The following MMP14 variants were observed in gnomAD, a reference collection of about 807,000 sequenced individuals.
MMP14 encodes matrix metalloproteinase-14.
MMP14 carries 13 observed loss-of-function variants against 64.8 expected under a neutral mutation model. The observed-to-expected ratio is 0.20, with a 90% confidence interval of 0.13 to 0.32. MMP14 has a LOEUF of 0.32. MMP14 is among the 10% of genes least tolerant of loss of function. MMP14 has a pLI of 1.00. For synonymous variants in MMP14, 322 were observed against 315.9 expected, an observed-to-expected ratio of 1.02 and a Z score of -0.20; for missense variants, 594 against 783.8, an observed-to-expected ratio of 0.76 and a Z score of 2.89.
chr14:22,843,483 T>C lies in MMP14; in HGVS notation c.850+65T>C. On this transcript the variant is annotated intron_variant, in intron 5 of 9. Coordinates refer to ENST00000311852, the MANE Select transcript of MMP14 (RefSeq NM_004995.4). This position sits in a 1 kb window ranked among gnomAD's most constrained non-coding sequence, Gnocchi z 4.8. Reference sequence around the variant, plus strand: ...CTTGTTCCCTCCTGGTCTACGCATTTCCCCTCTTTTATGCCTTGCAGTCTC... The same window carrying C: ...CTTGTTCCCTCCTGGTCTACGCATTCCCCCTCTTTTATGCCTTGCAGTCTC... 2.6e-6 allele frequency: 4 copies of C among 1,559,900 alleles called. No homozygotes were observed. The Admixed American group carries it at 7.0e-5, about 27-fold the overall frequency.
chr14:22,842,321 A>G lies in MMP14; in HGVS notation c.381-89A>G, dbSNP rs1239665279. On this transcript the variant is annotated intron_variant, in intron 3 of 9. Transcript: ENST00000311852. The surrounding 1 kb of genome is among the most constrained non-coding windows in gnomAD (Gnocchi z 5.3). Reference sequence around the variant, plus strand: ...TCAGGCAGAGGTGGCTGGGCCGCGCAGTCAGACCTGGGAGAGTGCAGGGAA... The same window carrying G: ...TCAGGCAGAGGTGGCTGGGCCGCGCGGTCAGACCTGGGAGAGTGCAGGGAA... 8 of 1,443,154 alleles carry G rather than the reference A, an allele frequency of 5.5e-6. No homozygotes were observed. The highest frequency in any genetic ancestry group is 1.3e-5 in the South Asian group (1 of 75,824). 89.4% of individuals were successfully genotyped at this position (1,443,154 alleles called of 1,614,324 possible). A position where few individuals can be genotyped will look rare whatever the true frequency, so the allele number is the denominator to read the frequency against.
At chr14:22,841,423 T>C in intron 1 of MMP14, 68 bp from the exon 2 acceptor site, 1 of 1,582,724 alleles carries the variant, frequency 6.3e-7, no homozygotes, top group South Asian at 1.1e-5. Flanking sequence ...TGCTGGGCAT[T>C]GTCGGGGAGG....
At position 22,843,726 on chromosome 14, in the gene MMP14, CCCCACCAAGATG is replaced by C; in HGVS notation, c.871_882del (p.Thr291_Pro294del). On this transcript the variant is annotated inframe_deletion, in exon 6 of 10. Coordinates refer to ENST00000311852, the MANE Select transcript of MMP14 (RefSeq NM_004995.4). This position sits in a 1 kb window ranked among gnomAD's most constrained non-coding sequence, Gnocchi z 4.8. ...CTGCCCCAGGGGGTGAGTCAGGGTTCCCCACCAAGATGCCCCCTCAACCCAGGACTACCTCCC... is the reference window on the plus strand; with the variant it reads ...CTGCCCCAGGGGGTGAGTCAGGGTTCCCCCCTCAACCCAGGACTACCTCCC... The C allele has an allele frequency of 6.3e-7, 1 of 1,590,826 alleles. No individual in the cohort carries two copies. Among genetic ancestry groups the C allele is most frequent in the Non-Finnish European group, 8.5e-7 (1 of 1,173,870 alleles).
Position 22,843,530 on chromosome 14 carries a change from GC to G in MMP14, c.850+116del. The G allele has an allele frequency of 7.0e-7, 1 of 1,424,540 alleles. No homozygotes were observed. Among genetic ancestry groups the G allele is most frequent in the Non-Finnish European group, 9.5e-7 (1 of 1,048,046 alleles). 88.2% of individuals were successfully genotyped at this position (1,424,540 alleles called of 1,614,324 possible). ...TCTCCGCACCGCCCCCTGCCAACCT[GC>G]CCCTGCCTCTATCAGCTCCACTTTT... On this transcript the variant is annotated intron_variant, in intron 5 of 9. Coordinates refer to ENST00000311852, the MANE Select transcript of MMP14 (RefSeq NM_004995.4). The surrounding 1 kb of genome is among the most constrained non-coding windows in gnomAD (Gnocchi z 4.8).
At position 22,846,059 on chromosome 14, in the gene MMP14, C is replaced by A; in HGVS notation, c.*20C>A. On this transcript the variant is annotated 3_prime_UTR_variant, in exon 10 of 10. Transcript: ENST00000311852. ...GTCTGACGCCCACCGCCGGCCCGCC[C>A]ACTCCTACCACAAGGACTTTGCCTC... is the stretch of plus-strand genomic sequence containing the variant. 1 of 1,454,598 alleles carries A rather than the reference C, an allele frequency of 6.9e-7. No homozygotes were observed. The allele number at this position is 1,454,598 out of a possible 1,614,324, so 90.1% of individuals were successfully genotyped here. A position where few individuals can be genotyped will look rare whatever the true frequency, so the allele number is the denominator to read the frequency against.
At chr14:22,836,998 G>A (rs2138732977) in intron 1 of MMP14, 73 bp downstream of exon 1, 1 of 1,192,856 alleles carries the variant, frequency 8.4e-7, no homozygotes, top group East Asian at 2.5e-5. Context: ...CTAGGGGACA[G>A]CCTCTATTCG....
At position 22,836,826 on chromosome 14, in the gene MMP14, C is replaced by A; in HGVS notation, c.9C>A (p.Pro3=). 1 of 1,602,372 alleles carries A rather than the reference C, an allele frequency of 6.2e-7. No individual in the cohort carries two copies. Among genetic ancestry groups the A allele is most frequent in the Non-Finnish European group, 8.5e-7 (1 of 1,172,524 alleles). The change falls in exon 1 of 10, where the codon CCC becomes CCA. Residue 3 remains proline, a synonymous_variant. Coordinates refer to ENST00000311852, the MANE Select transcript of MMP14 (RefSeq NM_004995.4). Reference sequence around the variant, plus strand: ...CCCGGTGGTCTCGGACCATGTCTCCCGCCCCAAGACCCCCCCGTTGTCTCC... The same window carrying A: ...CCCGGTGGTCTCGGACCATGTCTCCAGCCCCAAGACCCCCCCGTTGTCTCC... MS[P]APRPPRCLLL...
rs1175235241 is a variant in MMP14 at position 22,845,323 on chromosome 14, G to T, written c.1374G>T (p.Gly458=). 1.2e-6 allele frequency: 2 copies of T among 1,613,260 alleles called. No homozygotes were observed. Among genetic ancestry groups the T allele is most frequent in the East Asian group, 4.5e-5 (2 of 44,874 alleles). The change falls in exon 9 of 10, where the codon GGG becomes GGT. Residue 458 remains glycine, a synonymous_variant. Coordinates refer to ENST00000311852, the MANE Select transcript of MMP14 (RefSeq NM_004995.4). Reference sequence around the variant, plus strand: ...CCAAGAACATCAAAGTCTGGGAAGGGATCCCTGAGTCTCCCAGAGGGTCAT... The same window carrying T: ...CCAAGAACATCAAAGTCTGGGAAGGTATCCCTGAGTCTCCCAGAGGGTCAT... ...EYPKNIKVWE[G]IPESPRGSFM...
chr14:22,836,747 G>A lies in MMP14; in HGVS notation c.-71G>A, dbSNP rs531304614. 3.0e-3 allele frequency: 2,635 copies of A among 864,496 alleles called. 14 individuals are homozygous for A. The highest frequency in any genetic ancestry group is 5.5e-3 in the South Asian group (290 of 53,048). The allele number at this position is 864,496 out of a possible 1,614,324, so 53.6% of individuals were successfully genotyped here. A position where few individuals can be genotyped will look rare whatever the true frequency, so the allele number is the denominator to read the frequency against. On this transcript the variant is annotated 5_prime_UTR_variant, in exon 1 of 10. Transcript: ENST00000311852. Reference sequence around the variant, plus strand: ...AAGACAAAGGCGCCCCGAGGGAGTGGCGGTGCGACCCCAGGGCGTGGGCCC... The same window carrying A: ...AAGACAAAGGCGCCCCGAGGGAGTGACGGTGCGACCCCAGGGCGTGGGCCC...
Position 22,841,918 on chromosome 14 carries a change from T to C in MMP14, c.263T>C (p.Met88Thr), listed in dbSNP as rs1317328829. 6.2e-7 allele frequency: 1 copy of C among 1,614,090 alleles called. No individual in the cohort carries two copies. Among genetic ancestry groups the C allele is most frequent in the Non-Finnish European group, 8.5e-7 (1 of 1,180,042 alleles). ...CGCACCCAAACCCACTCCAGGGCCA[T>C]GAGGCGCCCCCGATGTGGTGTTCCA... The part of the protein sequence containing the change: ...GKADADTMKA[M>T]RRPRCGVPDK... The change falls in exon 3 of 10, where the codon ATG becomes ACG. Residue 88 changes from methionine (M) to threonine (T), a missense_variant. Transcript: ENST00000311852.
intron 6 of MMP14, 70 bp from the exon 7 acceptor site, chr14:22,844,301 C>A (rs2039795962): frequency 6.3e-7 from 1 of 1,591,710 alleles, no homozygotes; most frequent in Non-Finnish European, 8.6e-7. Context: ...AGTGCGGGAG[C>A]TTTGGGGACT....
chr14:22,840,028 C>T (rs577734479), intron 1 of MMP14, among the ~76,000 whole-genome samples: 1 of 129,592 alleles, frequency 7.7e-6, no homozygotes, highest in African/African-American at 3.1e-5. Context: ...AGTGCAGTGG[C>T]GGGATCTTGG....
intron 8 of MMP14, 145 bp downstream of exon 8, chr14:22,844,925 T>C: frequency 3.4e-6 from 4 of 1,167,450 alleles, no homozygotes; most frequent in Admixed American, 2.2e-5. Context: ...TGCCTAGAAA[T>C]GGGCAGCCTC....
chr14:22,844,862 A>T (rs1263317179), intron 8 of MMP14, 82 bp downstream of exon 8: 1 of 1,563,702 alleles, frequency 6.4e-7, no homozygotes. Flanking sequence ...AGAAAGACCC[A>T]CTTTACCCCC....
rs763931970 is a variant in MMP14 at position 22,842,019 on chromosome 14, A to G, written c.364A>G (p.Asn122Asp). ...CATCCAGGGTCTCAAATGGCAACAT[A>G]ATGAAATCACTTTCTGGTGAGTCCA... ...YAIQGLKWQH[N>D]EITFCIQNYT... is the part of the protein sequence containing the mutation. The change falls in exon 3 of 10, where the codon AAT becomes GAT. Residue 122 changes from asparagine to aspartate, a missense_variant. Around this residue, in one of 4 missense-constraint regions of MMP14, gnomAD observed 179 missense variants for 283.4 expected, o/e 0.63. Transcript: ENST00000311852. This position sits in a 1 kb window ranked among gnomAD's most constrained non-coding sequence, Gnocchi z 5.3. The G allele has an allele frequency of 1.9e-6, 3 of 1,614,082 alleles. No individual in the cohort carries two copies. Among genetic ancestry groups the G allele is most frequent in the Middle Eastern group, 1.6e-4 (1 of 6,082 alleles).
At chr14:22,837,082 T>TA (rs1386352583) in intron 1 of MMP14, 157 bp downstream of exon 1, 4 of 704,794 alleles carry the variant, frequency 5.7e-6, no homozygotes, top group Non-Finnish European at 1.0e-5. Flanking sequence ...CCTCTTCGTC[T>TA]CCAAACTTCC....
In MMP14 at chr14:22,843,986, TG is replaced by T. The variant is rs1454305073; in HGVS notation, c.1011+118del. On this transcript the variant is annotated intron_variant, in intron 6 of 9. Coordinates refer to ENST00000311852, the MANE Select transcript of MMP14 (RefSeq NM_004995.4). The surrounding 1 kb of genome is among the most constrained non-coding windows in gnomAD (Gnocchi z 4.8). ...CAAGGCAGGTGGATCACCTGAGGTC[TG>T]GAGTTCGAGAGCAGGCTGGCCAACA... is the stretch of plus-strand genomic sequence containing the variant. 7.6e-7 allele frequency: 1 copy of T among 1,315,818 alleles called. No homozygotes were observed. Among genetic ancestry groups the T allele is most frequent in the African/African-American group, 1.5e-5 (1 of 66,618 alleles). The allele number at this position is 1,315,818 out of a possible 1,614,324, so 81.5% of individuals were successfully genotyped here.
Position 22,844,766 on chromosome 14 carries a change from C to T in MMP14, c.1287C>T (p.Phe429=), listed in dbSNP as rs17879806. Residue 429 remains phenylalanine, a synonymous_variant, in exon 8 of 10, where the codon TTC becomes TTT. Coordinates refer to ENST00000311852, the MANE Select transcript of MMP14 (RefSeq NM_004995.4). ...LFWMPNGKTY[F]FRGNKYYRFN... is the part of the protein sequence containing the mutation. ...GGATGCCCAATGGAAAGACCTACTT[C>T]TTCCGTGGAAACAAGTAAGACCTCA... The T allele has an allele frequency of 4.4e-3, 7,160 of 1,614,046 alleles. 276 individuals carry two copies. In the African/African-American group the frequency reaches 0.081, roughly 18 times the overall value.
In MMP14 at chr14:22,837,033, G is replaced by C. The variant is rs572253507; in HGVS notation, c.108+108G>C. ...GGAGAGGAGGGCTTTTGGGATCTCC[G>C]CTGCTCAGGCCTGCAGGATTCCCCC... is the stretch of plus-strand genomic sequence containing the variant. On this transcript the variant is annotated intron_variant, in intron 1 of 9. Coordinates refer to ENST00000311852, the MANE Select transcript of MMP14 (RefSeq NM_004995.4). 4 of 809,900 alleles carry C rather than the reference G, an allele frequency of 4.9e-6. No homozygotes were observed. In the Admixed American group the frequency reaches 6.4e-5, roughly 13 times the overall value. The allele number at this position is 809,900 out of a possible 1,614,324, so 50.2% of individuals were successfully genotyped here. A position where few individuals can be genotyped will look rare whatever the true frequency, so the allele number is the denominator to read the frequency against.
Sources: allele counts gnomAD v4.1 joint callset (sites outside exome capture counted in the v4.1 genomes callset), GRCh38; gene constraint gnomAD v4.1.1; regional missense constraint gnomAD v4.1.1; non-coding constraint Gnocchi (gnomAD v3.1); transcripts MANE v1.5; gene names NCBI Gene and HGNC (gene_info 2026-07-23, HGNC 2026-07-21).